Variants in LDLRAD4 observed in about 807,000 individuals in gnomAD.
LDLRAD4 encodes the protein low density lipoprotein receptor class A domain containing 4.
In LDLRAD4, 5 loss-of-function variants were observed where a neutral mutation model predicts 17.0. That is an observed-to-expected ratio of 0.29 (90% CI 0.15 to 0.62). The LOEUF is 0.62. Among genes scored for constraint, LDLRAD4 ranks in the 20% least tolerant of loss-of-function variants. The pLI is 0.84. For missense variants in LDLRAD4, 340 were observed against 424.7 expected, an observed-to-expected ratio of 0.80 and a Z score of 1.75; for synonymous variants, 168 against 171.8, an observed-to-expected ratio of 0.98 and a Z score of 0.17.
chr18:13,465,116 G>A (rs1427898320), intron 3 of LDLRAD4: 1 of 152,206 alleles, frequency 6.6e-6, no homozygotes, highest in Non-Finnish European at 1.5e-5. Flanking sequence ...CTGTTAGTAA[G>A]TATCTTGTGA....
At chr18:13,220,491 G>A (rs1461288953) in intron 1 of LDLRAD4, among the ~76,000 whole-genome samples, 1 of 152,178 alleles carries the variant, frequency 6.6e-6, no homozygotes, top group African/African-American at 2.4e-5. Context: ...CGCAGCCAGT[G>A]CCAGCTGCTT....
At chr18:13,315,902 A>G (rs1484242923) in intron 1 of LDLRAD4, among the ~76,000 whole-genome samples, 3 of 152,184 alleles carry the variant, frequency 2.0e-5, no homozygotes, top group Admixed American at 6.5e-5. Context: ...TGCACATAGG[A>G]GAGTGAACTC....
At chr18:13,473,075 C>T (rs1040881844) in intron 3 of LDLRAD4, among the ~76,000 whole-genome samples, 1 of 151,712 alleles carries the variant, frequency 6.6e-6, no homozygotes, top group Non-Finnish European at 1.5e-5. Flanking sequence ...GAACCCCCCG[C>T]CCCCGCCTGC....
At chr18:13,646,463 C>G (rs561390537) in exon 6 of LDLRAD4, 2 of 152,236 alleles carry the variant, frequency 1.3e-5, no homozygotes, top group African/African-American at 4.8e-5. Context: ...AGCAGTGCAT[C>G]GCTGAAGCTT....
exon 6 of LDLRAD4, chr18:13,647,277 A>G (rs1339642724): frequency 6.6e-6 from 1 of 152,192 alleles, no homozygotes; most frequent in Non-Finnish European, 1.5e-5. Context: ...AATGAAAAAA[A>G]TAACTTTCTT....
At chr18:13,518,482 T>C (rs2147608225) in intron 3 of LDLRAD4, among the ~76,000 whole-genome samples, 1 of 152,358 alleles carries the variant, frequency 6.6e-6, no homozygotes, top group African/African-American at 2.4e-5. Flanking sequence ...TAAACATACT[T>C]AATTTTACCC....
chr18:13,450,317 T>TCCCCC (rs1459391885), intron 3 of LDLRAD4, among the ~76,000 whole-genome samples: 1 of 65,176 alleles, frequency 1.5e-5, no homozygotes, highest in African/African-American at 6.1e-5. Flanking sequence ...AGTTAGCTTC[T>TCCCCC]CTCCCCCCAC....
intron 4 of LDLRAD4, among the ~76,000 whole-genome samples, chr18:13,635,184 A>C (rs561677690): frequency 6.6e-6 from 1 of 152,340 alleles, no homozygotes; most frequent in East Asian, 1.9e-4. Context: ...GCAAACACTG[A>C]TTTCTCATTC....
intron 3 of LDLRAD4, among the ~76,000 whole-genome samples, chr18:13,606,420 C>T (rs1304250112): frequency 6.6e-6 from 1 of 152,128 alleles, no homozygotes; most frequent in East Asian, 1.9e-4. Flanking sequence ...GCTGTTTAAT[C>T]TGAACTAATT....
chr18:13,412,003 A>G (rs763593491), intron 2 of LDLRAD4, among the ~76,000 whole-genome samples: 1 of 152,028 alleles, frequency 6.6e-6, no homozygotes, highest in Non-Finnish European at 1.5e-5. Context: ...ACCAATGCCC[A>G]GCTAATTAAA....
chr18:13,551,932 G>A (rs1239258442), intron 3 of LDLRAD4, among the ~76,000 whole-genome samples: 1 of 152,166 alleles, frequency 6.6e-6, no homozygotes, highest in Non-Finnish European at 1.5e-5. Flanking sequence ...ATAAGGCAAA[G>A]GGGAGCCAGT....
chr18:13,340,676 A>G (rs962598494), intron 1 of LDLRAD4, among the ~76,000 whole-genome samples: 1 of 152,160 alleles, frequency 6.6e-6, no homozygotes, highest in East Asian at 1.9e-4. Context: ...CCCATTCTAC[A>G]GGATGTCTTT....
chr18:13,561,682 G>A (rs1164384890), intron 3 of LDLRAD4: 1 of 152,196 alleles, frequency 6.6e-6, no homozygotes, highest in Non-Finnish European at 1.5e-5. Context: ...CATGTATGCC[G>A]AAGCGTGTCT....
chr18:13,227,678 T>C (rs894354386), intron 1 of LDLRAD4, among the ~76,000 whole-genome samples: 2 of 152,156 alleles, frequency 1.3e-5, no homozygotes, highest in Non-Finnish European at 2.9e-5. Flanking sequence ...CTTACAGTCA[T>C]GGCGGAAGTG....
At chr18:13,322,291 T>A (rs1481011792) in intron 1 of LDLRAD4, among the ~76,000 whole-genome samples, 2 of 49,930 alleles carry the variant, frequency 4.0e-5, no homozygotes, top group Non-Finnish European at 3.5e-5. Context: ...CTTTTCTCAC[T>A]TTTTTTTTTT....
intron 1 of LDLRAD4, among the ~76,000 whole-genome samples, chr18:13,294,939 G>C (rs972726217): frequency 8.5e-5 from 13 of 152,168 alleles, no homozygotes; most frequent in African/African-American, 2.4e-4. Flanking sequence ...TTAGGAAAAG[G>C]GAGTGTACTG....
rs114909823 is a variant in LDLRAD4 at position 13,437,300 on chromosome 18, C to T, written c.41-944C>T. Among the ~76,000 whole-genome samples the T allele has an allele frequency of 5.8e-3, 879 of 152,302 alleles. 6 individuals are homozygous for T. Among genetic ancestry groups the T allele is most frequent in the African/African-American group, 0.02 (818 of 41,552 alleles). ...TCTTCCCGCTGTGTACTGAGTGGGC[C>T]GTGCTGTGTGAATCCTGCCAGCTTC... On this transcript the variant is annotated intron_variant, in intron 2 of 5. Coordinates refer to ENST00000359446, the Ensembl canonical transcript of LDLRAD4.
chr18:13,503,981 G>A (rs1330733477), intron 3 of LDLRAD4, among the ~76,000 whole-genome samples: 3 of 152,012 alleles, frequency 2.0e-5, no homozygotes, highest in Non-Finnish European at 2.9e-5. Flanking sequence ...CATGCCAGGC[G>A]CTTTGTAGAA....
Position 13,271,481 on chromosome 18 carries a change from G to A in LDLRAD4, c.-466-6624G>A, listed in dbSNP as rs80228880. ...TTCACGAGGTCTTTTTGAGTCTGCC[G>A]AAGGAGATCTTAGCTACCAATGAAG... is the stretch of plus-strand genomic sequence containing the variant. On this transcript the variant is annotated intron_variant, in intron 1 of 5. Coordinates refer to the LDLRAD4 transcript ENST00000399848. Among the ~76,000 whole-genome samples, 704 of 152,272 alleles carry A rather than the reference G, an allele frequency of 4.6e-3. 4 individuals are homozygous for A. The highest frequency in any genetic ancestry group is 0.016 in the African/African-American group (652 of 41,554).
Sources: gnomAD v4.1 joint callset for allele counts (sites outside exome capture counted in the v4.1 genomes callset) on GRCh38, gnomAD v4.1.1 for gene constraint, MANE v1.5 for transcripts, NCBI Gene and HGNC (gene_info 2026-07-23, HGNC 2026-07-21) for gene names.